Variants in ATG2B observed in about 807,000 individuals in gnomAD.
ATG2B encodes the protein autophagy-related protein 2 homolog B.
ATG2B carries 121 observed loss-of-function variants against 241.3 expected under a neutral mutation model. The observed-to-expected ratio is 0.50, with a 90% CI of 0.43 to 0.58. ATG2B has a LOEUF of 0.58. Ranked by LOEUF, ATG2B falls within the 20% of genes least tolerant of loss-of-function variation. The probability of loss-of-function intolerance (pLI) is 0.00; values close to 1 mark genes in which losing one functional copy is unlikely to be tolerated. For synonymous variants in ATG2B, 858 were observed against 876.6 expected, an observed-to-expected ratio of 0.98 and a Z score of 0.37; for missense variants, 2,306 against 2,491.6, an observed-to-expected ratio of 0.93 and a Z score of 1.59.
Position 96,303,187 on chromosome 14 carries a change from T to G in ATG2B, c.4911A>C (p.Pro1637=), listed in dbSNP as rs774213884. The G allele has an allele frequency of 2.5e-6, 4 of 1,612,914 alleles. No individual in the cohort carries two copies. In the East Asian group the frequency reaches 8.9e-5, roughly 36 times the overall value. ...GAACAATGAACACCTGCCGGGAGAC[T>G]GGGTGTTCTGAGAGGCTGGAATCAC... The part of the protein sequence containing the change: ...PDCDSSLSEH[P]VSRQVFIVQD... The change falls in exon 33 of 42, where the codon CCA becomes CCC. Residue 1637 remains proline (P), a synonymous_variant. Coordinates refer to ENST00000359933, the MANE Select transcript of ATG2B (RefSeq NM_018036.7).
rs757449419 is a variant in ATG2B at position 96,362,987 on chromosome 14, G to A, written c.-11C>T. 6.2e-7 allele frequency: 1 copy of A among 1,612,854 alleles called. No homozygotes were observed. The highest frequency in any genetic ancestry group is 1.1e-5 in the South Asian group (1 of 90,996). On this transcript the variant is annotated 5_prime_UTR_variant, in exon 1 of 42. Transcript: ENST00000359933. ...AAACGGCCAAGGCATAGTGACTGCT[G>A]GCAGCTGGGCTGACTGCGGCTGCGG...
intron 34 of ATG2B, among the ~76,000 whole-genome samples, chr14:96,298,085 C>T (rs139158010): frequency 2.6e-5 from 4 of 152,230 alleles, no homozygotes; most frequent in South Asian, 2.1e-4. Flanking sequence ...ATGAGTAACC[C>T]GCACCCGACC....
rs1887800845 is a variant in ATG2B, at chr14:96,333,768, C to T, written c.1127G>A (p.Arg376Lys). The T allele has an allele frequency of 6.2e-7, 1 of 1,613,952 alleles. No individual in the cohort carries two copies. Among genetic ancestry groups the T allele is most frequent in the African/African-American group, 1.3e-5 (1 of 75,032 alleles). ...IQMELNRYYL[R>K]KDSLSVGVSS... ...TACACCCACAGAGAGGGAATCTTTTCTCAAATAATACCGGTTTAATTCCAT... is the reference window on the plus strand; with the variant it reads ...TACACCCACAGAGAGGGAATCTTTTTTCAAATAATACCGGTTTAATTCCAT... The change falls in exon 8 of 42, where the codon AGA becomes AAA. Residue 376 changes from arginine (R) to lysine (K), a missense_variant. Physicochemically the swap from Arg to Lys is conservative, Grantham distance 26. Around this residue, in one of 2 missense-constraint regions of ATG2B, gnomAD observed 1,927 missense variants for 2,011.2 expected, o/e 0.96. Transcript: ENST00000359933.
Position 96,289,420 on chromosome 14 carries a change from T to G in ATG2B, c.6006+236A>C, listed in dbSNP as rs1886422619. On this transcript the variant is annotated intron_variant, in intron 41 of 41. Transcript: ENST00000359933. This position sits in a 1 kb window ranked among gnomAD's most constrained non-coding sequence, Gnocchi z 4.3. ...ATCACTCCCTGAGTGCTTCTGCAGG[T>G]GAAGAGAGAGAATCCATCCACCCAC... 2 of 414,042 alleles carry G rather than the reference T, an allele frequency of 4.8e-6. No homozygotes were observed. Among genetic ancestry groups the G allele is most frequent in the South Asian group, 3.7e-5 (1 of 26,702 alleles). The allele number at this position is 414,042 out of a possible 1,614,324, so 25.6% of individuals were successfully genotyped here.
chr14:96,285,999 G>A lies in ATG2B; in HGVS notation c.6007-14C>T, dbSNP rs774194947. 3.2e-5 allele frequency: 51 copies of A among 1,599,692 alleles called. No homozygotes were observed. In the African/African-American group the frequency reaches 5.0e-4, roughly 16 times the overall value. On this transcript the variant is annotated splice_polypyrimidine_tract_variant and intron_variant, in intron 41 of 41. Transcript: ENST00000359933. The surrounding 1 kb of genome is among the most constrained non-coding windows in gnomAD (Gnocchi z 4.2). ...GTCTGTGATTCCCTGCGTAGAGGAG[G>A]GAGGTAGGAGAGAGGAGGGCAGTGA...
chr14:96,281,857 G>C lies in ATG2B; in HGVS notation c.*3898C>G, dbSNP rs988897854. 6.6e-6 allele frequency: 1 copy of C among 152,156 alleles called. No individual in the cohort carries two copies. Among genetic ancestry groups the C allele is most frequent in the Non-Finnish European group, 1.5e-5 (1 of 68,036 alleles). 9.4% of individuals were successfully genotyped at this position (152,156 alleles called of 1,614,324 possible). On this transcript the variant is annotated 3_prime_UTR_variant, in exon 42 of 42. Coordinates refer to ENST00000359933, the MANE Select transcript of ATG2B (RefSeq NM_018036.7). Reference sequence around the variant, plus strand: ...AACACCTACGTTTACCAAAAAAGCTGACATCTCAAACTCTGAGTTGTTGAG... The same window carrying C: ...AACACCTACGTTTACCAAAAAAGCTCACATCTCAAACTCTGAGTTGTTGAG...
chr14:96,322,796 T>C, intron 16 of ATG2B, 61 bp from the exon 17 acceptor site: 1 of 1,422,836 alleles, frequency 7.0e-7, no homozygotes, highest in Non-Finnish European at 9.6e-7. Context: ...AAACTTTAAC[T>C]TTTGTGCAAA....
At chr14:96,293,066 C>T (rs1440770724) in intron 36 of ATG2B, 1 of 152,092 alleles carries the variant, frequency 6.6e-6, no homozygotes, top group Non-Finnish European at 1.5e-5. Flanking sequence ...ATATAGAGGG[C>T]TGGTTGTACA....
Position 96,345,327 on chromosome 14 carries a change from T to C in ATG2B, c.384A>G (p.Ala128=), listed in dbSNP as rs144146417. The C allele has an allele frequency of 5.5e-3, 8,816 of 1,613,150 alleles. 310 individuals are homozygous for C. In the South Asian group the frequency reaches 0.065, roughly 12 times the overall value. ...SSFMTSSMQL[A]KECLSQKLTD... ...TTAGTTTCTGGCTAAGACATTCTTT[T>C]GCCAATTGCATACTGCTGGTCATAA... The change falls in exon 3 of 42, where the codon GCA becomes GCG. Residue 128 remains alanine (A), a synonymous_variant. Coordinates refer to ENST00000359933, the MANE Select transcript of ATG2B (RefSeq NM_018036.7).
chr14:96,347,920 T>G (rs975714389), intron 1 of ATG2B, among the ~76,000 whole-genome samples: 3 of 152,154 alleles, frequency 2.0e-5, no homozygotes, highest in Non-Finnish European at 2.9e-5. Context: ...TGGAGAACAA[T>G]TTGGAGGTTC....
rs899719857 is a variant in ATG2B, at chr14:96,289,074, A to G, written c.6006+582T>C. ...CCATAAAACTGTGGAAATTAGACCT[A>G]CATGGATTAAGATTAACATGGATCT... On this transcript the variant is annotated intron_variant, in intron 41 of 41. Transcript: ENST00000359933. The surrounding 1 kb of genome is among the most constrained non-coding windows in gnomAD (Gnocchi z 4.3). Among the ~76,000 whole-genome samples, 2 of 152,222 alleles carry G rather than the reference A, an allele frequency of 1.3e-5. No homozygotes were observed. The highest frequency in any genetic ancestry group is 2.9e-5 in the Non-Finnish European group (2 of 68,034).
chr14:96,336,819 T>C (rs571227266), intron 6 of ATG2B, among the ~76,000 whole-genome samples: 66 of 152,346 alleles, frequency 4.3e-4, no homozygotes, highest in African/African-American at 1.5e-3. Context: ...ATCTTTTGAC[T>C]ACCTGTTCTG....
chr14:96,299,427 A>G (rs1886731185), intron 34 of ATG2B, among the ~76,000 whole-genome samples: 1 of 152,212 alleles, frequency 6.6e-6, no homozygotes, highest in South Asian at 2.1e-4. Context: ...AGTCTTCTAT[A>G]AAGAGATCCT....
chr14:96,310,418 A>C (rs1018681269), intron 28 of ATG2B, among the ~76,000 whole-genome samples: 1 of 152,236 alleles, frequency 6.6e-6, no homozygotes, highest in African/African-American at 2.4e-5. Context: ...ATTTCTGTTC[A>C]TAAGAGAGAC....
intron 30 of ATG2B, 31 bp downstream of exon 30, chr14:96,306,683 C>A: frequency 1.3e-6 from 2 of 1,580,460 alleles, no homozygotes; most frequent in South Asian, 1.1e-5. Context: ...TAACACCATT[C>A]AAGGCTTCAA....
In ATG2B at chr14:96,309,453, C is replaced by G. The variant is rs747165853; in HGVS notation, c.4303G>C (p.Gly1435Arg). Reference sequence around the variant, plus strand: ...TCCCTGAGAAGAGTCCTGGTCTTACCATTAGCCTGTGGTTTTACTGACGAG... The same window carrying G: ...TCCCTGAGAAGAGTCCTGGTCTTACGATTAGCCTGTGGTTTTACTGACGAG... ...GTSSVKPQAN[G>R]VLDEKSQIQE... The change falls in exon 29 of 42, where the codon GGT becomes CGT. Residue 1435 changes from glycine to arginine, a missense_variant and splice_region_variant. By Grantham distance (125) the Gly-to-Arg change is moderately radical. Coordinates refer to ENST00000359933, the MANE Select transcript of ATG2B (RefSeq NM_018036.7). 4 of 1,613,442 alleles carry G rather than the reference C, an allele frequency of 2.5e-6. No individual in the cohort carries two copies. Among genetic ancestry groups the G allele is most frequent in the Non-Finnish European group, 2.5e-6 (3 of 1,179,692 alleles).
intron 2 of ATG2B, 123 bp from the exon 3 acceptor site, chr14:96,345,508 G>A (rs1357484198): frequency 4.9e-6 from 3 of 617,856 alleles, no homozygotes; most frequent in Non-Finnish European, 2.5e-6. Flanking sequence ...ACATCATGAT[G>A]TTACCCAGGT....
intron 6 of ATG2B, among the ~76,000 whole-genome samples, chr14:96,335,132 A>C (rs1210483136): frequency 6.6e-6 from 1 of 151,460 alleles, no homozygotes; most frequent in Non-Finnish European, 1.5e-5. Flanking sequence ...GCTCCATCCC[A>C]CTCTCTTGAT....
At position 96,322,198 on chromosome 14, in the gene ATG2B, G is replaced by A. The variant is rs2139870298; in HGVS notation, c.2793C>T (p.Ser931=). The change falls in exon 18 of 42, where the codon AGC becomes AGT. Residue 931 remains serine, a synonymous_variant. Coordinates refer to ENST00000359933, the MANE Select transcript of ATG2B (RefSeq NM_018036.7). ...EMTEFQDKAI[S]NSHYVLELTL... Reference sequence around the variant, plus strand: ...TAAGTTCCAGCACATAGTGAGAATTGCTGATTGCTTTATCCTGAAATTCTG... The same window carrying A: ...TAAGTTCCAGCACATAGTGAGAATTACTGATTGCTTTATCCTGAAATTCTG... The A allele has an allele frequency of 6.3e-7, 1 of 1,596,444 alleles. No homozygotes were observed. Among genetic ancestry groups the A allele is most frequent in the Non-Finnish European group, 8.5e-7 (1 of 1,174,558 alleles).
Sources: gnomAD v4.1 joint callset for allele counts (sites outside exome capture counted in the v4.1 genomes callset) on GRCh38, gnomAD v4.1.1 for gene constraint, gnomAD v4.1.1 regional missense constraint, Gnocchi (gnomAD v3.1) non-coding constraint, MANE v1.5 for transcripts, NCBI Gene and HGNC (gene_info 2026-07-23, HGNC 2026-07-21) for gene names.